LRBA: variants seen among roughly 807,000 people sequenced by gnomAD.
LRBA encodes lipopolysaccharide-responsive and beige-like anchor protein.
Under a neutral mutation model 330.0 loss-of-function variants are expected in LRBA, and 176 were observed. The observed-to-expected ratio is 0.53, with a 90% CI of 0.47 to 0.60. The LOEUF is 0.60. LRBA is among the 20% of genes least tolerant of loss of function. The pLI is 0.00. For synonymous variants in LRBA, 1,230 were observed against 1,193.0 expected, an observed-to-expected ratio of 1.03 and a Z score of -0.64; for missense variants, 3,259 against 3,444.8, an observed-to-expected ratio of 0.95 and a Z score of 1.35.
At chr4:150,287,302 G>A (rs930173918) in intron 53 of LRBA, among the ~76,000 whole-genome samples, 5 of 152,138 alleles carry the variant, frequency 3.3e-5, no homozygotes, top group Non-Finnish European at 5.9e-5. Context: ...AAACTAACCC[G>A]GCTTCCAAAG....
intron 15 of LRBA, among the ~76,000 whole-genome samples, chr4:150,897,467 T>A (rs1248089053): frequency 6.6e-6 from 1 of 152,016 alleles, no homozygotes; most frequent in Non-Finnish European, 1.5e-5. Flanking sequence ...AACAGAAACA[T>A]AGTAAATATT....
At chr4:150,975,574 G>A (rs550624806) in intron 2 of LRBA, among the ~76,000 whole-genome samples, 1 of 150,920 alleles carries the variant, frequency 6.6e-6, no homozygotes, top group East Asian at 1.9e-4. Flanking sequence ...AAAAGAAAAG[G>A]TAAAGAAAAA....
At chr4:150,749,009 TGA>T (rs1342660740) in intron 35 of LRBA, among the ~76,000 whole-genome samples, 1 of 152,138 alleles carries the variant, frequency 6.6e-6, no homozygotes, top group Non-Finnish European at 1.5e-5. Context: ...TCTAAAACTA[TGA>T]GAAATAAATT....
chr4:151,011,242 T>C (rs994281336), intron 2 of LRBA, among the ~76,000 whole-genome samples: 3 of 151,828 alleles, frequency 2.0e-5, no homozygotes, highest in African/African-American at 7.3e-5. Flanking sequence ...CATGTACTAT[T>C]TGGACACCTC....
chr4:150,689,236 A>C (rs553694153), intron 36 of LRBA, among the ~76,000 whole-genome samples: 7 of 152,230 alleles, frequency 4.6e-5, no homozygotes, highest in Non-Finnish European at 1.0e-4. Flanking sequence ...GCATGTTCTC[A>C]CTCATAAGTG....
rs534272167 is a variant in LRBA at position 150,673,361 on chromosome 4, A to G, written c.5921+10190T>C. 2.6e-5 allele frequency among the ~76,000 whole-genome samples: 4 copies of G among 152,334 alleles called. No homozygotes were observed. In the East Asian group the frequency reaches 7.7e-4, roughly 29 times the overall value. On this transcript the variant is annotated intron_variant, in intron 37 of 56. Coordinates refer to ENST00000651943, the MANE Select transcript of LRBA (RefSeq NM_001364905.1). ...TTGGTGAAAAAAGATAAGTCATTGT[A>G]TATCCAGCTATTTCATATTTAACTC...
At chr4:150,394,087 C>A (rs947702054) in intron 47 of LRBA, among the ~76,000 whole-genome samples, 1 of 152,142 alleles carries the variant, frequency 6.6e-6, no homozygotes, top group East Asian at 1.9e-4. Context: ...AAGATTTAAT[C>A]TTCTTTTACA....
chr4:150,576,700 A>G (rs1344765130), intron 40 of LRBA, among the ~76,000 whole-genome samples: 1 of 151,920 alleles, frequency 6.6e-6, no homozygotes. Flanking sequence ...GTAAAGTCTA[A>G]TAGGTAACAA....
chr4:150,268,381 T>G (rs1218911241), intron 56 of LRBA, among the ~76,000 whole-genome samples: 3 of 152,214 alleles, frequency 2.0e-5, no homozygotes, highest in Non-Finnish European at 4.4e-5. Context: ...CCTTCTCAAT[T>G]TCTTCTTCCA....
intron 36 of LRBA, among the ~76,000 whole-genome samples, chr4:150,718,949 T>C (rs1728583255): frequency 6.6e-6 from 1 of 152,092 alleles, no homozygotes; most frequent in African/African-American, 2.4e-5. Flanking sequence ...CTCTAGGTTA[T>C]TTCTACTTCA....
chr4:150,756,682 T>C lies in LRBA; in HGVS notation c.5645+5101A>G, dbSNP rs139486142. On this transcript the variant is annotated intron_variant, in intron 35 of 56. Coordinates refer to ENST00000651943, the MANE Select transcript of LRBA (RefSeq NM_001364905.1). ...AATTTAGGTCCAATATACATAACAA[T>C]GTAACCTACACCACATCTAAATTTA... 6.1e-3 allele frequency among the ~76,000 whole-genome samples: 930 copies of C among 152,216 alleles called. 8 individuals are homozygous for C. The highest frequency in any genetic ancestry group is 0.021 in the African/African-American group (883 of 41,530).
chr4:150,372,182 A>C (rs916755514), intron 47 of LRBA, among the ~76,000 whole-genome samples: 5 of 152,222 alleles, frequency 3.3e-5, no homozygotes, highest in African/African-American at 1.2e-4. Context: ...AAAAACAACC[A>C]GTAAGTGTTT....
chr4:150,299,509 G>A (rs1729378700), intron 53 of LRBA, among the ~76,000 whole-genome samples: 1 of 152,000 alleles, frequency 6.6e-6, no homozygotes, highest in Admixed American at 6.6e-5. Context: ...AGGCTGAGAA[G>A]CGATGTATTT....
At chr4:150,429,958 T>G (rs1393765493) in intron 46 of LRBA, among the ~76,000 whole-genome samples, 4 of 152,170 alleles carry the variant, frequency 2.6e-5, no homozygotes, top group African/African-American at 9.6e-5. Flanking sequence ...CTAGCCTAAC[T>G]AAACGTGTTT....
At chr4:150,795,818 G>C (rs1177919991) in intron 34 of LRBA, among the ~76,000 whole-genome samples, 1 of 151,584 alleles carries the variant, frequency 6.6e-6, no homozygotes, top group African/African-American at 2.4e-5. Flanking sequence ...TTAAATTTAG[G>C]CTCTAAATTC....
intron 33 of LRBA, among the ~76,000 whole-genome samples, chr4:150,801,059 A>G (rs1048184673): frequency 1.3e-5 from 2 of 152,158 alleles, no homozygotes; most frequent in Admixed American, 6.5e-5. Context: ...AGTCATGACT[A>G]TTTACTATCT....
At chr4:150,385,049 A>G (rs1742856803) in intron 47 of LRBA, among the ~76,000 whole-genome samples, 1 of 152,244 alleles carries the variant, frequency 6.6e-6, no homozygotes, top group Non-Finnish European at 1.5e-5. Flanking sequence ...ATTACTTGAA[A>G]AATGAACAGC....
chr4:150,711,052 C>CA (rs990220570), intron 36 of LRBA, among the ~76,000 whole-genome samples: 2 of 151,046 alleles, frequency 1.3e-5, no homozygotes, highest in Admixed American at 6.6e-5. Flanking sequence ...AAAGCTACAT[C>CA]AAAAAAAATT....
chr4:150,991,127 G>A (rs187685951), intron 2 of LRBA, among the ~76,000 whole-genome samples: 5 of 149,742 alleles, frequency 3.3e-5, no homozygotes, highest in Non-Finnish European at 5.9e-5. Context: ...AAGAGGAAGC[G>A]TAAGAAGAAG....
Sources: allele counts gnomAD v4.1 joint callset (sites outside exome capture counted in the v4.1 genomes callset), GRCh38; gene constraint gnomAD v4.1.1; transcripts MANE v1.5; gene names NCBI Gene and HGNC (gene_info 2026-07-23, HGNC 2026-07-21).